ZC3H18: variants seen among roughly 807,000 people sequenced by gnomAD.
ZC3H18 encodes the protein zinc finger CCCH domain-containing protein 18.
ZC3H18 carries 8 observed loss-of-function variants against 106.1 expected under a neutral mutation model. That is an observed-to-expected ratio of 0.08 (90% CI 0.04 to 0.14). The LOEUF (loss-of-function observed/expected upper bound fraction) is 0.14. Among genes scored for constraint, ZC3H18 ranks in the 10% least tolerant of loss-of-function variants. ZC3H18 has a pLI of 1.00. For missense variants in ZC3H18, 1,318 were observed against 1,278.4 expected (o/e 1.03, Z -0.47); for synonymous variants, 635 against 522.1 (o/e 1.22, Z -2.95).
intron 3 of ZC3H18, among the ~76,000 whole-genome samples, chr16:88,589,457 C>T (rs1915617178): frequency 4.6e-5 from 7 of 152,244 alleles, no homozygotes. Context: ...CCTGTCCATG[C>T]AGTGGAATGC....
At chr16:88,611,176 G>A in intron 7 of ZC3H18, 92 bp from the exon 8 acceptor site, 1 of 694,194 alleles carries the variant, frequency 1.4e-6, no homozygotes, top group Non-Finnish European at 2.6e-6. Flanking sequence ...CTGTGACACA[G>A]ACAGATCGCG....
At chr16:88,583,663 G>A (rs755792339) in intron 2 of ZC3H18, among the ~76,000 whole-genome samples, 2 of 152,228 alleles carry the variant, frequency 1.3e-5, no homozygotes, top group Non-Finnish European at 2.9e-5. Flanking sequence ...CCTGTGGTGA[G>A]AAAGCACCAG....
chr16:88,605,661 G>A (rs1265046103), intron 6 of ZC3H18, among the ~76,000 whole-genome samples: 1 of 152,256 alleles, frequency 6.6e-6, no homozygotes, highest in Non-Finnish European at 1.5e-5. Context: ...GATTAAAAGT[G>A]AGTAGTGTTA....
rs1050698162 is a variant in ZC3H18, at chr16:88,615,331, C to A, written c.1475+3795C>A. On this transcript the variant is annotated intron_variant, in intron 8 of 17. Coordinates refer to ENST00000301011, the MANE Select transcript of ZC3H18 (RefSeq NM_144604.4). Reference sequence around the variant, plus strand: ...CTCCCCATCCCCTCCTGCTTGCCAGCCTGCTTTCTTGTTCCTCATGGCCCT... The same window carrying A: ...CTCCCCATCCCCTCCTGCTTGCCAGACTGCTTTCTTGTTCCTCATGGCCCT... Among the ~76,000 whole-genome samples the A allele has an allele frequency of 2.0e-5, 3 of 152,212 alleles. No individual in the cohort carries two copies. The East Asian group carries it at 5.8e-4, about 29-fold the overall frequency.
chr16:88,594,747 C>T (rs1006091276), intron 3 of ZC3H18, among the ~76,000 whole-genome samples: 1 of 152,060 alleles, frequency 6.6e-6, no homozygotes, highest in Non-Finnish European at 1.5e-5. Flanking sequence ...TCACAGTGTA[C>T]CTTTTAGAGT....
chr16:88,588,751 G>T (rs1483221534), intron 3 of ZC3H18, among the ~76,000 whole-genome samples: 1 of 152,012 alleles, frequency 6.6e-6, no homozygotes, highest in East Asian at 1.9e-4. Flanking sequence ...TTGGTGGCAC[G>T]CATGTGTAGT....
chr16:88,592,169 C>T (rs1443927251), intron 3 of ZC3H18, among the ~76,000 whole-genome samples: 3 of 152,336 alleles, frequency 2.0e-5, no homozygotes, highest in Admixed American at 1.3e-4. Context: ...TTCTCCACGT[C>T]CTCACCATTA....
At position 88,631,640 on chromosome 16, in the gene ZC3H18, T is replaced by C. The variant is rs1235221948; in HGVS notation, c.*341T>C. On this transcript the variant is annotated 3_prime_UTR_variant, in exon 18 of 18. Transcript: ENST00000301011. ...CTGGTCAGGCCTGTGGAGCCCCAGC[T>C]CTGGGTCCCTAGCCCGGGTCCAGGC... The C allele has an allele frequency of 8.4e-6, 4 of 477,374 alleles. No individual in the cohort carries two copies. The Admixed American group carries it at 9.3e-5, about 11-fold the overall frequency. 29.6% of individuals were successfully genotyped at this position (477,374 alleles called of 1,614,324 possible). A position where few individuals can be genotyped will look rare whatever the true frequency, so the allele number is the denominator to read the frequency against.
intron 8 of ZC3H18, 34 bp downstream of exon 8, chr16:88,611,570 G>A (rs1218328056): frequency 6.5e-6 from 10 of 1,543,796 alleles, no homozygotes; most frequent in Non-Finnish European, 7.9e-6. Context: ...AGGGGTGTGG[G>A]GGAGGTCCGG....
intron 3 of ZC3H18, among the ~76,000 whole-genome samples, chr16:88,596,564 C>T (rs1904448971): frequency 6.6e-6 from 1 of 152,048 alleles, no homozygotes; most frequent in Admixed American, 6.6e-5. Flanking sequence ...CACTGACACC[C>T]AGGAGGTGGA....
Position 88,625,196 on chromosome 16 carries a change from T to A in ZC3H18, c.2043-6T>A. 1 of 1,581,774 alleles carries A rather than the reference T, an allele frequency of 6.3e-7. No homozygotes were observed. Among genetic ancestry groups the A allele is most frequent in the Non-Finnish European group, 8.6e-7 (1 of 1,164,192 alleles). The stretch of plus-strand genomic sequence containing the variant: ...CCCCTGAGCCCCGCTGTTGCTTGTA[T>A]TACAGGCGGACGCTAAGCGGCAGCG... On this transcript the variant is annotated splice_polypyrimidine_tract_variant and splice_region_variant and intron_variant, in intron 12 of 17. Coordinates refer to ENST00000301011, the MANE Select transcript of ZC3H18 (RefSeq NM_144604.4).
chr16:88,572,037 T>C (rs892006750), intron 1 of ZC3H18, among the ~76,000 whole-genome samples: 2 of 152,258 alleles, frequency 1.3e-5, no homozygotes, highest in Non-Finnish European at 2.9e-5. Flanking sequence ...TATTCAATAG[T>C]CACCCTCCAG....
chr16:88,575,851 A>G (rs1436488120), intron 1 of ZC3H18, among the ~76,000 whole-genome samples: 1 of 151,684 alleles, frequency 6.6e-6, no homozygotes, highest in African/African-American at 2.4e-5. Flanking sequence ...GTAGCTGGGA[A>G]TATAGGCACG....
chr16:88,572,868 C>T (rs944146884), intron 1 of ZC3H18, among the ~76,000 whole-genome samples: 19 of 152,022 alleles, frequency 1.2e-4, no homozygotes, highest in African/African-American at 4.1e-4. Flanking sequence ...AGTGATTCTC[C>T]TGCCTCAGCC....
At chr16:88,603,669 G>A (rs1290149051) in intron 6 of ZC3H18, among the ~76,000 whole-genome samples, 2 of 146,524 alleles carry the variant, frequency 1.4e-5, no homozygotes, top group Non-Finnish European at 3.0e-5. Context: ...GTCGCCCAGC[G>A]TGGAGTGCAG....
intron 8 of ZC3H18, among the ~76,000 whole-genome samples, chr16:88,613,937 AG>A (rs143935888): frequency 1.3e-5 from 2 of 152,140 alleles, no homozygotes; most frequent in Non-Finnish European, 2.9e-5. Flanking sequence ...TCTCAAAAAA[AG>A]GGGGGGTGTC....
chr16:88,620,090 C>T (rs979776152), intron 8 of ZC3H18, among the ~76,000 whole-genome samples: 2 of 152,204 alleles, frequency 1.3e-5, no homozygotes, highest in African/African-American at 4.8e-5. Flanking sequence ...GAGCTGCCCC[C>T]ATCCTGCATT....
At chr16:88,596,990 G>A (rs1016484028) in intron 3 of ZC3H18, among the ~76,000 whole-genome samples, 2 of 152,094 alleles carry the variant, frequency 1.3e-5, no homozygotes, top group South Asian at 4.1e-4. Flanking sequence ...GCACGATCTC[G>A]GCTCACTGCA....
chr16:88,628,208 G>T lies in ZC3H18; in HGVS notation c.2469+89G>T, dbSNP rs1906436877. 9.5e-6 allele frequency: 14 copies of T among 1,479,260 alleles called. No homozygotes were observed. The South Asian group carries it at 1.4e-4, about 14-fold the overall frequency. The allele number at this position is 1,479,260 out of a possible 1,614,324, so 91.6% of individuals were successfully genotyped here. On this transcript the variant is annotated intron_variant, in intron 15 of 17. Coordinates refer to ENST00000301011, the MANE Select transcript of ZC3H18 (RefSeq NM_144604.4). ...AGACAGCTTCCTCCTGGGGGACGGAGCCTGAGTGAGGGCGAGTGGGGCCTT... is the reference window on the plus strand; with the variant it reads ...AGACAGCTTCCTCCTGGGGGACGGATCCTGAGTGAGGGCGAGTGGGGCCTT...
Sources: allele counts gnomAD v4.1 joint callset (sites outside exome capture counted in the v4.1 genomes callset), GRCh38; gene constraint gnomAD v4.1.1; transcripts MANE v1.5; gene names NCBI Gene and HGNC (gene_info 2026-07-23, HGNC 2026-07-21).